COL24A1: variants seen among roughly 807,000 people sequenced by gnomAD.
COL24A1 encodes collagen alpha-1(XXIV) chain.
COL24A1 carries 224 observed loss-of-function variants against 253.9 expected under a neutral mutation model. The observed-to-expected ratio is 0.88, with a 90% confidence interval of 0.79 to 0.99. The LOEUF (loss-of-function observed/expected upper bound fraction) is 0.99, where lower values mean the gene tolerates loss of function less well. COL24A1 is among the 50% of genes least tolerant of loss of function. The pLI is 0.00. For missense variants in COL24A1, 2,131 were observed against 2,068.5 expected (o/e 1.03, Z -0.59); for synonymous variants, 685 against 673.7 (o/e 1.02, Z -0.26).
At chr1:85,779,434 T>C (rs1668928843) in intron 52 of COL24A1, among the ~76,000 whole-genome samples, 1 of 152,154 alleles carries the variant, frequency 6.6e-6, no homozygotes, top group African/African-American at 2.4e-5. Context: ...TCTTGAGAAG[T>C]TGTAGTCATC....
At chr1:85,872,891 G>A (rs2102569553) in intron 35 of COL24A1, among the ~76,000 whole-genome samples, 1 of 152,288 alleles carries the variant, frequency 6.6e-6, no homozygotes, top group East Asian at 1.9e-4. Context: ...TACCATCAGA[G>A]TGAACAGGCA....
At chr1:86,121,614 T>G (rs1198687152) in intron 3 of COL24A1, among the ~76,000 whole-genome samples, 1 of 152,040 alleles carries the variant, frequency 6.6e-6, no homozygotes, top group African/African-American at 2.4e-5. Flanking sequence ...TGATTAAATA[T>G]AATTTAAAAA....
intron 47 of COL24A1, among the ~76,000 whole-genome samples, chr1:85,810,593 G>A (rs1672431468): frequency 6.6e-6 from 1 of 152,106 alleles, no homozygotes; most frequent in Non-Finnish European, 1.5e-5. Flanking sequence ...GGCTGGGGGA[G>A]TTGTTTGGAT....
chr1:86,138,769 A>G (rs1474613393), intron 2 of COL24A1, among the ~76,000 whole-genome samples: 3 of 152,042 alleles, frequency 2.0e-5, no homozygotes, highest in Non-Finnish European at 4.4e-5. Flanking sequence ...CTTCACTGAT[A>G]TATCTGCTCA....
intron 35 of COL24A1, among the ~76,000 whole-genome samples, chr1:85,872,793 C>G (rs988734507): frequency 1.3e-5 from 2 of 152,178 alleles, no homozygotes; most frequent in South Asian, 2.1e-4. Context: ...GACTTCATGT[C>G]TAAAACACAA....
At chr1:86,025,861 TC>T (rs1199235454) in intron 14 of COL24A1, among the ~76,000 whole-genome samples, 2 of 152,084 alleles carry the variant, frequency 1.3e-5, no homozygotes, top group African/African-American at 4.8e-5. Context: ...AGAAAGCTTT[TC>T]CCCCTTTCAC....
chr1:86,082,275 T>G (rs570329475), intron 7 of COL24A1, among the ~76,000 whole-genome samples: 1 of 152,310 alleles, frequency 6.6e-6, no homozygotes, highest in South Asian at 2.1e-4. Flanking sequence ...CCTTTATAAT[T>G]TAGTCCTTCA....
chr1:85,794,297 GTTC>G (rs1396148560), intron 47 of COL24A1, among the ~76,000 whole-genome samples: 1 of 152,096 alleles, frequency 6.6e-6, no homozygotes, highest in Non-Finnish European at 1.5e-5. Flanking sequence ...CAATTTTAAA[GTTC>G]TTCATTTTCT....
chr1:85,790,276 C>A (rs1670125504), intron 47 of COL24A1, among the ~76,000 whole-genome samples: 1 of 152,092 alleles, frequency 6.6e-6, no homozygotes, highest in Non-Finnish European at 1.5e-5. Context: ...CTGGTTCAGT[C>A]TTGGGAGGGT....
intron 24 of COL24A1, among the ~76,000 whole-genome samples, chr1:85,926,911 G>C (rs530715583): frequency 1.7e-4 from 26 of 152,194 alleles, no homozygotes; most frequent in African/African-American, 5.1e-4. Context: ...CAAGAAGAGA[G>C]AAATCTGTGT....
chr1:85,795,490 TA>T (rs1356521319), intron 47 of COL24A1, among the ~76,000 whole-genome samples: 3 of 152,152 alleles, frequency 2.0e-5, no homozygotes, highest in African/African-American at 7.2e-5. Flanking sequence ...TAAAAATAGC[TA>T]AAAATATTAT....
intron 24 of COL24A1, among the ~76,000 whole-genome samples, chr1:85,953,092 T>A (rs1690083279): frequency 6.6e-6 from 1 of 152,166 alleles, no homozygotes; most frequent in Non-Finnish European, 1.5e-5. Flanking sequence ...ATTTGATATA[T>A]CCTGACCATA....
At chr1:85,872,516 C>T (rs1222607728) in intron 35 of COL24A1, among the ~76,000 whole-genome samples, 1 of 151,916 alleles carries the variant, frequency 6.6e-6, no homozygotes, top group Non-Finnish European at 1.5e-5. Context: ...CAGAACAGAG[C>T]CCTCAGAAAT....
chr1:85,799,625 T>C (rs1299661943), intron 47 of COL24A1, among the ~76,000 whole-genome samples: 3 of 152,180 alleles, frequency 2.0e-5, no homozygotes, highest in Non-Finnish European at 4.4e-5. Flanking sequence ...TAATTCTAAT[T>C]CCATATCAAA....
intron 7 of COL24A1, among the ~76,000 whole-genome samples, chr1:86,072,489 A>G (rs537107318): frequency 6.6e-6 from 1 of 152,316 alleles, no homozygotes; most frequent in South Asian, 2.1e-4. Context: ...CAGCAGCCCC[A>G]GTCAGGGACT....
intron 1 of COL24A1, among the ~76,000 whole-genome samples, chr1:86,150,512 G>T (rs1032347562): frequency 1.5e-4 from 23 of 152,134 alleles, no homozygotes; most frequent in African/African-American, 5.5e-4. Flanking sequence ...TCCAAAGAAA[G>T]AGAAGGGAAA....
chr1:85,873,193 T>G (rs1056876388), intron 35 of COL24A1, among the ~76,000 whole-genome samples: 5 of 152,156 alleles, frequency 3.3e-5, no homozygotes, highest in African/African-American at 1.2e-4. Flanking sequence ...CAACAAATGC[T>G]GGAGAGGAGG....
chr1:85,800,735 C>G (rs1671339304), intron 47 of COL24A1, among the ~76,000 whole-genome samples: 1 of 152,138 alleles, frequency 6.6e-6, no homozygotes, highest in Non-Finnish European at 1.5e-5. Flanking sequence ...ACAACAGACT[C>G]TCCACTGTCC....
intron 20 of COL24A1, among the ~76,000 whole-genome samples, chr1:85,971,811 T>C (rs1692195208): frequency 6.6e-6 from 1 of 152,160 alleles, no homozygotes; most frequent in Non-Finnish European, 1.5e-5. Flanking sequence ...GAACTCAGTA[T>C]TCGTTAGCTG....
Sources: gnomAD v4.1 joint callset for allele counts (sites outside exome capture counted in the v4.1 genomes callset) on GRCh38, gnomAD v4.1.1 for gene constraint, MANE v1.5 for transcripts, NCBI Gene and HGNC (gene_info 2026-07-23, HGNC 2026-07-21) for gene names.